The following CPEB3 variants were observed in gnomAD, a reference collection of about 807,000 sequenced individuals.
CPEB3 encodes the protein cytoplasmic polyadenylation element binding protein 3, also known as cytoplasmic polyadenylation element-binding protein 3.
CPEB3 carries 20 observed loss-of-function variants against 67.2 expected under a neutral mutation model. The ratio of observed to expected loss-of-function variants is 0.30; its 90% confidence interval spans 0.21 to 0.43. The LOEUF (loss-of-function observed/expected upper bound fraction) is 0.43. CPEB3 is among the 20% of genes least tolerant of loss of function. The pLI is 1.00. For missense variants in CPEB3, 746 were observed against 968.6 expected (o/e 0.77, Z 3.05); for synonymous variants, 376 against 393.1 (o/e 0.96, Z 0.51).
At chr10:92,118,651 C>T in intron 6 of CPEB3, 1 of 612,420 alleles carries the variant, frequency 1.6e-6, no homozygotes, top group South Asian at 1.6e-5. Context: ...ATGTGGAACC[C>T]AAGATGGCTG....
At chr10:92,089,648 T>C (rs1252393426) in intron 8 of CPEB3, among the ~76,000 whole-genome samples, 2 of 151,902 alleles carry the variant, frequency 1.3e-5, no homozygotes, top group Admixed American at 6.6e-5. Context: ...CCAGGCATGG[T>C]GGTGTGCGCC....
At chr10:92,084,371 T>C (rs1489922904) in intron 8 of CPEB3, among the ~76,000 whole-genome samples, 1 of 152,064 alleles carries the variant, frequency 6.6e-6, no homozygotes. Context: ...TATAAATAAA[T>C]AATTTCCATT....
intron 3 of CPEB3, among the ~76,000 whole-genome samples, chr10:92,187,360 T>C (rs1046541623): frequency 8.5e-5 from 13 of 152,314 alleles, no homozygotes; most frequent in African/African-American, 3.1e-4. Context: ...CTCAGTTCCA[T>C]GAATGGTGAG....
In CPEB3 at chr10:92,117,158, G is replaced by C. The variant is rs189258420; in HGVS notation, c.1454-5964C>G. On this transcript the variant is annotated intron_variant, in intron 6 of 9. Coordinates refer to ENST00000265997, the MANE Select transcript of CPEB3 (RefSeq NM_014912.5). The stretch of plus-strand genomic sequence containing the variant: ...TCTGCCTCAGCCTCCCAAGTAGCTG[G>C]GATTACAGGTGCCCGCCACCATACC... Among the ~76,000 whole-genome samples the C allele has an allele frequency of 4.0e-5, 6 of 151,220 alleles. No individual in the cohort carries two copies. The East Asian group carries it at 1.2e-3, about 29-fold the overall frequency.
At chr10:92,074,486 C>T (rs1194022460) in intron 9 of CPEB3, among the ~76,000 whole-genome samples, 1 of 152,104 alleles carries the variant, frequency 6.6e-6, no homozygotes, top group Non-Finnish European at 1.5e-5. Context: ...TGTATTATGA[C>T]AACAATCTAT....
intron 1 of CPEB3, among the ~76,000 whole-genome samples, chr10:92,244,239 C>T (rs1033530471): frequency 1.3e-5 from 2 of 151,144 alleles, no homozygotes; most frequent in African/African-American, 2.4e-5. Context: ...CCCAGCTACT[C>T]GGGAGGCTGA....
Position 92,081,331 on chromosome 10 carries a change from T to C in CPEB3, c.1858A>G (p.Ile620Val). Residue 620 changes from isoleucine (I) to valine (V), a missense_variant, in exon 9 of 10, where the codon ATT (isoleucine) becomes GTT (valine). Ile to Val is a conservative substitution (Grantham distance 29). Coordinates refer to ENST00000265997, the MANE Select transcript of CPEB3 (RefSeq NM_014912.5). ...AAGTAGGTGCTTACCCGTTTGTCAA[T>C]GTCATTGTGCTGAAGCTGCACAAAA... is the stretch of plus-strand genomic sequence containing the variant. ...ARFVQLQHND[I>V]DKRVEVKPYV... 1 of 1,614,248 alleles carries C rather than the reference T, an allele frequency of 6.2e-7. No individual in the cohort carries two copies. Among genetic ancestry groups the C allele is most frequent in the East Asian group, 2.2e-5 (1 of 44,894 alleles).
At chr10:92,238,193 C>T (rs542586627) in intron 2 of CPEB3, among the ~76,000 whole-genome samples, 31 of 152,290 alleles carry the variant, frequency 2.0e-4, no homozygotes, top group Admixed American at 9.2e-4. Context: ...TTTTCTTTAA[C>T]TGAGCCTAGA....
At chr10:92,205,962 A>C (rs1045684097) in intron 2 of CPEB3, among the ~76,000 whole-genome samples, 3 of 152,182 alleles carry the variant, frequency 2.0e-5, no homozygotes, top group African/African-American at 4.8e-5. Flanking sequence ...CACATTTATT[A>C]AAATATTTGG....
chr10:92,192,723 G>A (rs1251110641), intron 2 of CPEB3, 87 bp from the exon 3 acceptor site: 1 of 991,676 alleles, frequency 1.0e-6, no homozygotes. Flanking sequence ...GTGGATTGAT[G>A]ACATGAATGA....
At chr10:92,277,469 G>A (rs537399653) in intron 1 of CPEB3, among the ~76,000 whole-genome samples, 1 of 152,214 alleles carries the variant, frequency 6.6e-6, no homozygotes, top group Non-Finnish European at 1.5e-5. Context: ...GCTTATTTCT[G>A]GACTCCTCAT....
At chr10:92,158,961 A>C (rs72807240) in intron 4 of CPEB3, among the ~76,000 whole-genome samples, 19,276 of 152,222 alleles carry the variant, frequency 0.13, 1,395 homozygotes, top group Middle Eastern at 0.21. Flanking sequence ...AGCTTAATCC[A>C]TTTCTTAAAA....
chr10:92,163,280 C>G (rs184914817), intron 4 of CPEB3, among the ~76,000 whole-genome samples: 1 of 152,176 alleles, frequency 6.6e-6, no homozygotes, highest in Non-Finnish European at 1.5e-5. Context: ...ACTAAAAATA[C>G]AAAATTAGCC....
At chr10:92,058,424 CTG>C (rs1203764818) in intron 9 of CPEB3, among the ~76,000 whole-genome samples, 4 of 152,046 alleles carry the variant, frequency 2.6e-5, no homozygotes, top group Non-Finnish European at 5.9e-5. Context: ...TGGCAAGTAA[CTG>C]TAATCCCAGC....
intron 6 of CPEB3, chr10:92,138,494 G>A (rs1385784595): frequency 5.6e-5 from 7 of 124,806 alleles, no homozygotes; most frequent in Admixed American, 2.7e-4. Context: ...TTGAATAAAC[G>A]TCACTTTTTG....
At chr10:92,214,514 A>G (rs10786031) in intron 2 of CPEB3, among the ~76,000 whole-genome samples, 103,458 of 151,888 alleles carry the variant, frequency 0.68, 37,054 homozygotes, top group African/African-American at 0.91. Context: ...ATGAAGTCTC[A>G]CTCTGTCCCG....
intron 1 of CPEB3, among the ~76,000 whole-genome samples, chr10:92,281,373 C>T (rs978440206): frequency 5.3e-5 from 8 of 151,648 alleles, no homozygotes; most frequent in African/African-American, 1.9e-4. Context: ...GGACTACAGG[C>T]GTGAGCCACC....
In CPEB3 at chr10:92,218,363, C is replaced by T. The variant is rs560844019; in HGVS notation, c.1005+20983G>A. ...TGGAGGTCGCAGTGAGCTGAGATCG[C>T]GCCACTGCACTCCAGCCTGTGCTAC... On this transcript the variant is annotated intron_variant, in intron 2 of 9. Transcript: ENST00000265997. Among the ~76,000 whole-genome samples, 10 of 152,074 alleles carry T rather than the reference C, an allele frequency of 6.6e-5. No individual in the cohort carries two copies. In the South Asian group the frequency reaches 8.3e-4, roughly 13 times the overall value.
At chr10:92,062,637 C>T (rs936814502) in intron 9 of CPEB3, among the ~76,000 whole-genome samples, 6 of 152,178 alleles carry the variant, frequency 3.9e-5, no homozygotes, top group Non-Finnish European at 5.9e-5. Flanking sequence ...ATATCCCAGT[C>T]CCATCTATAC....
Sources: gnomAD v4.1 joint callset for allele counts (sites outside exome capture counted in the v4.1 genomes callset) on GRCh38, gnomAD v4.1.1 for gene constraint, MANE v1.5 for transcripts, NCBI Gene and HGNC (gene_info 2026-07-23, HGNC 2026-07-21) for gene names.